The following KLHDC8A variants were observed in gnomAD, a reference collection of about 807,000 sequenced individuals.
The protein encoded by KLHDC8A is kelch domain containing 8A.
A neutral mutation model predicts 33.1 loss-of-function variants in KLHDC8A; 21 were observed. That is an observed-to-expected ratio of 0.64 (90% CI 0.45 to 0.91). The LOEUF is 0.91. Among genes scored for constraint, KLHDC8A ranks in the 40% least tolerant of loss-of-function variants. The pLI, the probability that KLHDC8A is intolerant of heterozygous loss-of-function variation, is 0.00. For missense variants in KLHDC8A, 435 were observed against 483.3 expected (o/e 0.90, Z 0.94); for synonymous variants, 173 against 193.5 (o/e 0.89, Z 0.88).
intron 1 of KLHDC8A, among the ~76,000 whole-genome samples, chr1:205,355,119 CCTGGTGCTAGG>C (rs1201032621): frequency 6.6e-6 from 1 of 152,220 alleles, no homozygotes; most frequent in African/African-American, 2.4e-5. Flanking sequence ...TCCCCCTCAT[CCTGGTGCTAGG>C]CTGGTTATTC....
rs954961742 is a variant in KLHDC8A at position 205,343,803 on chromosome 1, G to A, written c.-189-10C>T. The A allele has an allele frequency of 1.7e-5, 10 of 596,800 alleles. No homozygotes were observed. The East Asian group carries it at 2.6e-4, about 15-fold the overall frequency. The allele number at this position is 596,800 out of a possible 1,614,324, so 37.0% of individuals were successfully genotyped here. A position where few individuals can be genotyped will look rare whatever the true frequency, so the allele number is the denominator to read the frequency against. ...GCGTCCACGCCTGGCCCTGCGGGGG[G>A]AACGCGGTGAATCAAGGGCAGCTGG... On this transcript the variant is annotated splice_polypyrimidine_tract_variant and intron_variant, in intron 1 of 5. Coordinates refer to ENST00000367155, the MANE Select transcript of KLHDC8A (RefSeq NM_018203.3).
At chr1:205,342,688 C>T (rs570985276) in intron 2 of KLHDC8A, among the ~76,000 whole-genome samples, 1 of 152,372 alleles carries the variant, frequency 6.6e-6, no homozygotes, top group South Asian at 2.1e-4. Flanking sequence ...TCCCACAAAA[C>T]CCTTTGTGTT....
At chr1:205,352,963 C>A (rs7516786) in intron 1 of KLHDC8A, among the ~76,000 whole-genome samples, 52,011 of 152,160 alleles carry the variant, frequency 0.34, 9,113 homozygotes, top group South Asian at 0.41. Flanking sequence ...AGCTGCCCCC[C>A]ACGAGGAACC....
chr1:205,345,642 G>A (rs1662926909), intron 1 of KLHDC8A, among the ~76,000 whole-genome samples: 1 of 152,196 alleles, frequency 6.6e-6, no homozygotes, highest in Non-Finnish European at 1.5e-5. Flanking sequence ...TCGGGAGGCT[G>A]AGGCAGGAGG....
chr1:205,341,722 C>G (rs1396898389), intron 2 of KLHDC8A, among the ~76,000 whole-genome samples: 4 of 151,990 alleles, frequency 2.6e-5, no homozygotes, highest in Non-Finnish European at 4.4e-5. Flanking sequence ...GCGATCTCGG[C>G]TCACTGCAAG....
At chr1:205,346,468 C>T (rs1662949826) in intron 1 of KLHDC8A, among the ~76,000 whole-genome samples, 2 of 152,178 alleles carry the variant, frequency 1.3e-5, no homozygotes, top group Non-Finnish European at 2.9e-5. Flanking sequence ...GCCTTCACCA[C>T]CCCAGCTGGG....
chr1:205,356,755 A>G lies in KLHDC8A; in HGVS notation c.-412T>C. On this transcript the variant is annotated 5_prime_UTR_variant, in exon 1 of 6. The change abolishes the stop of an existing upstream ORF in the 5' untranslated region. Transcript: ENST00000367155. ...TCGACTGGGATGCAGCCAGGCCCCT[A>G]TGCACAGGGCATGGGGCCAGCCCCG... The G allele has an allele frequency of 8.3e-6, 3 of 360,620 alleles. No homozygotes were observed. The highest frequency in any genetic ancestry group is 6.8e-5 in the Admixed American group (2 of 29,444). The allele number at this position is 360,620 out of a possible 1,614,324, so 22.3% of individuals were successfully genotyped here.
At chr1:205,353,593 T>G (rs1381017748) in intron 1 of KLHDC8A, among the ~76,000 whole-genome samples, 1 of 152,192 alleles carries the variant, frequency 6.6e-6, no homozygotes, top group African/African-American at 2.4e-5. Flanking sequence ...TGGAGTGCAG[T>G]GGCACCATCG....
chr1:205,338,206 C>T (rs1298791791), intron 5 of KLHDC8A, among the ~76,000 whole-genome samples: 1 of 152,198 alleles, frequency 6.6e-6, no homozygotes, highest in Admixed American at 6.5e-5. Flanking sequence ...CAGTCATTCC[C>T]GTTTAGGGAT....
At chr1:205,343,873 T>A in intron 1 of KLHDC8A, 80 bp from the exon 2 acceptor site, 1 of 450,208 alleles carries the variant, frequency 2.2e-6, no homozygotes, top group Non-Finnish European at 3.9e-6. Flanking sequence ...CCGCAGCCCC[T>A]GGTCAACTTC....
chr1:205,342,991 A>G (rs1662830976), intron 2 of KLHDC8A, among the ~76,000 whole-genome samples: 2 of 152,200 alleles, frequency 1.3e-5, no homozygotes, highest in South Asian at 2.1e-4. Flanking sequence ...GGATGGAGTG[A>G]GCATTGTCAG....
chr1:205,349,847 G>C (rs1360862897), intron 1 of KLHDC8A, among the ~76,000 whole-genome samples: 2 of 152,128 alleles, frequency 1.3e-5, no homozygotes, highest in African/African-American at 4.8e-5. Context: ...TTACGATGAA[G>C]GCTATGACCT....
intron 2 of KLHDC8A, 118 bp downstream of exon 2, chr1:205,343,111 G>A (rs1016641783): frequency 1.3e-5 from 18 of 1,402,198 alleles, no homozygotes; most frequent in African/African-American, 1.4e-5. Context: ...CATGGGGTCT[G>A]CAGAAATATG....
chr1:205,353,422 G>A (rs1296519153), intron 1 of KLHDC8A, among the ~76,000 whole-genome samples: 2 of 152,190 alleles, frequency 1.3e-5, no homozygotes, highest in Admixed American at 6.5e-5. Flanking sequence ...CGCATGGCCC[G>A]CAAAGCATAA....
At chr1:205,351,534 A>G in intron 1 of KLHDC8A, 3 of 690,606 alleles carry the variant, frequency 4.3e-6, no homozygotes, top group Admixed American at 3.9e-5. Flanking sequence ...CTGTTTTACT[A>G]TGATGTAAAA....
intron 1 of KLHDC8A, among the ~76,000 whole-genome samples, chr1:205,354,916 GA>G (rs1663222875): frequency 6.6e-6 from 1 of 152,216 alleles, no homozygotes; most frequent in South Asian, 2.1e-4. Context: ...CCAGGGTCAT[GA>G]AGATGACGCA....
chr1:205,351,709 G>T (rs61824163), intron 1 of KLHDC8A, among the ~76,000 whole-genome samples: 24,507 of 151,216 alleles, frequency 0.16, 2,210 homozygotes, highest in Middle Eastern at 0.24. Context: ...ACCTGAGGTC[G>T]GGAGTTTGAG....
chr1:205,353,923 A>T (rs1282437262), intron 1 of KLHDC8A, among the ~76,000 whole-genome samples: 1 of 152,242 alleles, frequency 6.6e-6, no homozygotes, highest in Non-Finnish European at 1.5e-5. Flanking sequence ...CACCAAAGCT[A>T]TTAGAGTTAG....
At chr1:205,355,776 C>T (rs766211215) in intron 1 of KLHDC8A, among the ~76,000 whole-genome samples, 1 of 152,104 alleles carries the variant, frequency 6.6e-6, no homozygotes, top group Non-Finnish European at 1.5e-5. Context: ...GCTTGCCTGG[C>T]CCCGGAATCC....
Sources: allele counts gnomAD v4.1 joint callset (sites outside exome capture counted in the v4.1 genomes callset), GRCh38; gene constraint gnomAD v4.1.1; transcripts MANE v1.5; gene names NCBI Gene and HGNC (gene_info 2026-07-23, HGNC 2026-07-21).